CSMD1: variants seen among roughly 807,000 people sequenced by gnomAD.
CSMD1 encodes the protein CUB and Sushi multiple domains 1.
A neutral mutation model predicts 417.5 loss-of-function variants in CSMD1; 213 were observed. The observed-to-expected ratio is 0.51, with a 90% confidence interval of 0.46 to 0.57. The LOEUF is 0.57. Ranked by LOEUF, CSMD1 falls within the 20% of genes least tolerant of loss-of-function variation. The pLI is 0.00. For missense variants in CSMD1, 6,923 were observed against 4,529.7 expected, an observed-to-expected ratio of 1.53 and a Z score of -15.17; for synonymous variants, 2,862 against 1,736.8, an observed-to-expected ratio of 1.65 and a Z score of -16.11.
chr8:4,746,178 C>A (rs1388108376), intron 1 of CSMD1, among the ~76,000 whole-genome samples: 4 of 152,110 alleles, frequency 2.6e-5, no homozygotes, highest in African/African-American at 9.7e-5. Flanking sequence ...ATCCAAAATT[C>A]TTTGTCCAAT....
intron 1 of CSMD1, among the ~76,000 whole-genome samples, chr8:4,651,502 C>T (rs537063659): frequency 2.0e-5 from 3 of 152,148 alleles, no homozygotes; most frequent in East Asian, 1.9e-4. Flanking sequence ...AAGCGGATCA[C>T]AGAAGAAAAA....
intron 2 of CSMD1, among the ~76,000 whole-genome samples, chr8:4,600,821 A>T (rs748749724): frequency 6.6e-6 from 1 of 152,162 alleles, no homozygotes; most frequent in Non-Finnish European, 1.5e-5. Context: ...ATCTTGACAA[A>T]CTTACATATC....
intron 1 of CSMD1, among the ~76,000 whole-genome samples, chr8:4,832,603 A>AT (rs1800219226): frequency 6.6e-6 from 1 of 152,170 alleles, no homozygotes; most frequent in Non-Finnish European, 1.5e-5. Context: ...TTACTAGCTG[A>AT]CACTTAGGGA....
At chr8:4,729,945 C>T (rs911201062) in intron 1 of CSMD1, among the ~76,000 whole-genome samples, 6 of 152,116 alleles carry the variant, frequency 3.9e-5, no homozygotes, top group South Asian at 2.1e-4. Flanking sequence ...ATGACTTGTG[C>T]GCACACACTG....
chr8:3,109,920 CAT>C (rs370524989), intron 43 of CSMD1, among the ~76,000 whole-genome samples: 20 of 152,094 alleles, frequency 1.3e-4, no homozygotes, highest in African/African-American at 4.6e-4. Flanking sequence ...ACATCCAATA[CAT>C]ACACACACAG....
chr8:4,530,514 GC>G (rs1312834810), intron 2 of CSMD1, among the ~76,000 whole-genome samples: 5 of 150,178 alleles, frequency 3.3e-5, no homozygotes, highest in African/African-American at 1.2e-4. Context: ...CCCCTGACAG[GC>G]CCCAGTGTGT....
At chr8:3,159,877 A>G (rs1013769818) in intron 38 of CSMD1, among the ~76,000 whole-genome samples, 1 of 152,208 alleles carries the variant, frequency 6.6e-6, no homozygotes, top group African/African-American at 2.4e-5. Context: ...AGCTGTCATA[A>G]TATCATTTAT....
At chr8:3,736,757 G>C (rs991149748) in intron 6 of CSMD1, among the ~76,000 whole-genome samples, 2 of 152,178 alleles carry the variant, frequency 1.3e-5, no homozygotes, top group South Asian at 2.1e-4. Context: ...CAATCATTAG[G>C]TGTGTCGTTT....
intron 3 of CSMD1, among the ~76,000 whole-genome samples, chr8:4,047,808 A>C (rs186362095): frequency 6.6e-6 from 1 of 152,176 alleles, no homozygotes; most frequent in Non-Finnish European, 1.5e-5. Context: ...GGTAGTCAGG[A>C]AACACCTCAA....
At chr8:4,586,092 G>A (rs1487872316) in intron 2 of CSMD1, among the ~76,000 whole-genome samples, 2 of 152,260 alleles carry the variant, frequency 1.3e-5, no homozygotes, top group East Asian at 3.9e-4. Context: ...AGCATACAAC[G>A]TGTAATGATG....
At chr8:3,236,934 G>A (rs904745326) in intron 26 of CSMD1, among the ~76,000 whole-genome samples, 1 of 151,986 alleles carries the variant, frequency 6.6e-6, no homozygotes, top group South Asian at 2.1e-4. Flanking sequence ...AGTCACAGAG[G>A]CACTTTCCAC....
chr8:4,431,844 G>A (rs553901218), intron 2 of CSMD1, among the ~76,000 whole-genome samples: 1 of 151,914 alleles, frequency 6.6e-6, no homozygotes, highest in African/African-American at 2.4e-5. Flanking sequence ...TACGAAATGT[G>A]GGCCTATTTT....
chr8:4,769,995 C>T (rs1796521413), intron 1 of CSMD1, among the ~76,000 whole-genome samples: 1 of 152,028 alleles, frequency 6.6e-6, no homozygotes. Context: ...CTCTCTCCCT[C>T]CCTTTTTGCA....
In CSMD1 at chr8:4,187,878, G is replaced by A. The variant is rs186661429; in HGVS notation, c.416-155779C>T. Among the ~76,000 whole-genome samples, 145 of 152,000 alleles carry A rather than the reference G, an allele frequency of 9.5e-4. 1 individual carries two copies. The South Asian group carries it at 0.012, about 13-fold the overall frequency. On this transcript the variant is annotated intron_variant, in intron 3 of 69. Transcript: ENST00000635120. ...CAGTTTTATACTTTTATTCTCTCAG[G>A]CCATGGCAGCACTGGCATGATATCA...
chr8:4,702,346 A>C (rs1807618472), intron 1 of CSMD1, among the ~76,000 whole-genome samples: 1 of 152,178 alleles, frequency 6.6e-6, no homozygotes, highest in African/African-American at 2.4e-5. Context: ...ATCTTTGCTA[A>C]ACTGACCCTC....
intron 4 of CSMD1, among the ~76,000 whole-genome samples, chr8:4,027,395 A>G (rs1797117807): frequency 6.6e-6 from 1 of 152,096 alleles, no homozygotes; most frequent in African/African-American, 2.4e-5. Context: ...AATCCCCATG[A>G]GTTGGGGAGG....
At chr8:4,714,778 T>A (rs1017655385) in intron 1 of CSMD1, among the ~76,000 whole-genome samples, 1 of 152,188 alleles carries the variant, frequency 6.6e-6, no homozygotes, top group Non-Finnish European at 1.5e-5. Context: ...AAAATAATGT[T>A]AGGAAAAATT....
intron 7 of CSMD1, among the ~76,000 whole-genome samples, chr8:3,675,813 G>C (rs1256964790): frequency 6.6e-6 from 1 of 152,178 alleles, no homozygotes; most frequent in Non-Finnish European, 1.5e-5. Flanking sequence ...TGTTATAGCA[G>C]CCAGAGTTGA....
intron 2 of CSMD1, among the ~76,000 whole-genome samples, chr8:4,559,003 T>A (rs1441722118): frequency 6.6e-6 from 1 of 152,224 alleles, no homozygotes; most frequent in Non-Finnish European, 1.5e-5. Context: ...TGTTTCTTGA[T>A]TGTACATTCA....
Sources: gnomAD v4.1 joint callset for allele counts (sites outside exome capture counted in the v4.1 genomes callset) on GRCh38, gnomAD v4.1.1 for gene constraint, MANE v1.5 for transcripts, NCBI Gene and HGNC (gene_info 2026-07-23, HGNC 2026-07-21) for gene names.